Variants in PTPRM observed in about 807,000 individuals in gnomAD.
The protein encoded by PTPRM is receptor-type tyrosine-protein phosphatase mu.
Under a neutral mutation model 186.7 loss-of-function variants are expected in PTPRM, and 47 were observed. The ratio of observed to expected loss-of-function variants is 0.25; its 90% CI spans 0.20 to 0.32. The LOEUF is 0.32. Among genes scored for constraint, PTPRM ranks in the 10% least tolerant of loss-of-function variants. The pLI is 1.00. For missense variants in PTPRM, 1,494 were observed against 1,865.0 expected (o/e 0.80, Z 3.66); for synonymous variants, 668 against 674.9 (o/e 0.99, Z 0.16).
intron 5 of PTPRM, among the ~76,000 whole-genome samples, chr18:7,937,741 G>A (rs1007074756): frequency 6.6e-6 from 1 of 152,182 alleles, no homozygotes; most frequent in South Asian, 2.1e-4. Context: ...GTCACTTACT[G>A]TCATCACCTA....
intron 14 of PTPRM, among the ~76,000 whole-genome samples, chr18:8,158,135 T>C (rs911952425): frequency 1.3e-5 from 2 of 152,242 alleles, no homozygotes; most frequent in East Asian, 3.8e-4. Flanking sequence ...ATTTTTAACC[T>C]CTATCTATTA....
intron 1 of PTPRM, among the ~76,000 whole-genome samples, chr18:7,745,625 C>T (rs1001288552): frequency 2.0e-5 from 3 of 152,168 alleles, no homozygotes; most frequent in African/African-American, 7.2e-5. Flanking sequence ...GATGGATTGC[C>T]AGTGCCCCTA....
intron 20 of PTPRM, among the ~76,000 whole-genome samples, chr18:8,303,292 A>G (rs1301888175): frequency 6.6e-6 from 1 of 152,106 alleles, no homozygotes; most frequent in Non-Finnish European, 1.5e-5. Flanking sequence ...GTGGGTTACC[A>G]TGCCCTCCTA....
chr18:7,889,335 T>TC (rs2048944256), intron 3 of PTPRM, among the ~76,000 whole-genome samples: 5 of 85,240 alleles, frequency 5.9e-5, no homozygotes, highest in African/African-American at 2.2e-4. Context: ...TTTTCTTTCT[T>TC]TTTTTTTTTT....
intron 1 of PTPRM, among the ~76,000 whole-genome samples, chr18:7,595,413 G>A (rs2037231304): frequency 6.6e-6 from 1 of 152,182 alleles, no homozygotes; most frequent in South Asian, 2.1e-4. Flanking sequence ...CCTGAGGATG[G>A]AATGGCTTTT....
intron 1 of PTPRM, among the ~76,000 whole-genome samples, chr18:7,663,477 G>A (rs1022509935): frequency 6.6e-6 from 1 of 152,196 alleles, no homozygotes. Context: ...TGCAAAGTAA[G>A]TGTTCTTGAT....
chr18:7,760,262 A>T (rs1016963363), intron 1 of PTPRM, among the ~76,000 whole-genome samples: 1 of 152,208 alleles, frequency 6.6e-6, no homozygotes, highest in Non-Finnish European at 1.5e-5. Context: ...TATGTTGCTG[A>T]TAAAGAATTA....
intron 7 of PTPRM, among the ~76,000 whole-genome samples, chr18:8,009,257 T>C (rs910642836): frequency 2.6e-5 from 4 of 152,034 alleles, no homozygotes; most frequent in Non-Finnish European, 5.9e-5. Context: ...TTCTGAAGGA[T>C]GTGGCTAAAA....
At chr18:7,997,601 G>A (rs2083614312) in intron 7 of PTPRM, among the ~76,000 whole-genome samples, 1 of 152,122 alleles carries the variant, frequency 6.6e-6, no homozygotes, top group Non-Finnish European at 1.5e-5. Flanking sequence ...CCTACAGAAT[G>A]GGAGAAATTA....
chr18:7,687,333 A>G (rs1399469056), intron 1 of PTPRM, among the ~76,000 whole-genome samples: 1 of 152,140 alleles, frequency 6.6e-6, no homozygotes, highest in Non-Finnish European at 1.5e-5. Flanking sequence ...ATAGCATAAA[A>G]CCACCAGGGA....
chr18:8,070,388 C>T (rs1339554952), intron 8 of PTPRM, among the ~76,000 whole-genome samples: 1 of 117,146 alleles, frequency 8.5e-6, no homozygotes, highest in East Asian at 2.1e-4. Context: ...ATTTAAATGG[C>T]ATTCTGAAAC....
intron 7 of PTPRM, among the ~76,000 whole-genome samples, chr18:8,041,477 A>AC (rs1183765199): frequency 6.6e-6 from 1 of 151,634 alleles, no homozygotes; most frequent in Non-Finnish European, 1.5e-5. Context: ...AGAAAAAAAA[A>AC]AGGCCAAGCA....
chr18:7,652,018 A>G (rs530618607), intron 1 of PTPRM, among the ~76,000 whole-genome samples: 1 of 152,356 alleles, frequency 6.6e-6, no homozygotes, highest in East Asian at 1.9e-4. Flanking sequence ...CAAAGGGCTA[A>G]TATCCAGAAT....
At chr18:8,191,549 G>A (rs2093709836) in intron 14 of PTPRM, among the ~76,000 whole-genome samples, 1 of 152,100 alleles carries the variant, frequency 6.6e-6, no homozygotes, top group East Asian at 1.9e-4. Context: ...CAAGCCTTCT[G>A]TGTAACGAAA....
intron 1 of PTPRM, among the ~76,000 whole-genome samples, chr18:7,653,887 C>G (rs2038785183): frequency 6.6e-6 from 1 of 152,122 alleles, no homozygotes; most frequent in Non-Finnish European, 1.5e-5. Flanking sequence ...TTTGAGGGAT[C>G]ATCACAGTGC....
chr18:7,950,029 G>A (rs1399238299), intron 6 of PTPRM, among the ~76,000 whole-genome samples: 1 of 152,034 alleles, frequency 6.6e-6, no homozygotes, highest in Admixed American at 6.6e-5. Context: ...GTACCATGAG[G>A]CATTTTTAGA....
intron 20 of PTPRM, 74 bp from the exon 21 acceptor site, chr18:8,314,707 T>C: frequency 9.6e-7 from 1 of 1,039,176 alleles, no homozygotes; most frequent in Non-Finnish European, 1.5e-6. Context: ...GTAATATGCT[T>C]ACATTCTGGG....
At chr18:8,131,679 T>C (rs1418599704) in intron 13 of PTPRM, among the ~76,000 whole-genome samples, 1 of 152,196 alleles carries the variant, frequency 6.6e-6, no homozygotes, top group Non-Finnish European at 1.5e-5. Context: ...TTATATGGAT[T>C]ATAGATATCT....
intron 3 of PTPRM, among the ~76,000 whole-genome samples, chr18:7,899,989 G>A (rs1448715219): frequency 6.6e-6 from 1 of 150,976 alleles, no homozygotes; most frequent in Non-Finnish European, 1.5e-5. Flanking sequence ...TTGCTAGAAT[G>A]TGAGGCTCCC....
Sources: allele counts gnomAD v4.1 joint callset (sites outside exome capture counted in the v4.1 genomes callset), GRCh38; gene constraint gnomAD v4.1.1; transcripts MANE v1.5; gene names NCBI Gene and HGNC (gene_info 2026-07-23, HGNC 2026-07-21).